MEI4: variants seen among roughly 807,000 people sequenced by gnomAD.
MEI4 encodes meiosis-specific protein MEI4.
In MEI4, 27 loss-of-function variants were observed where a neutral mutation model predicts 31.4. The observed-to-expected ratio is 0.86, with a 90% confidence interval of 0.63 to 1.19. MEI4 has a LOEUF of 1.19. Among genes scored for constraint, MEI4 ranks in the 50% most tolerant of loss-of-function variants. The probability of loss-of-function intolerance (pLI) is 0.00; values close to 1 mark genes in which losing one functional copy is unlikely to be tolerated. For missense variants in MEI4, 329 were observed against 398.9 expected (o/e 0.82, Z 1.49); for synonymous variants, 122 against 145.4 (o/e 0.84, Z 1.16).
At chr6:77,915,918 T>C (rs1181803011) in intron 4 of MEI4, among the ~76,000 whole-genome samples, 2 of 152,100 alleles carry the variant, frequency 1.3e-5, no homozygotes, top group Admixed American at 1.3e-4. Context: ...TCCTTTATCA[T>C]GGTGCCAATG....
At chr6:77,695,953 G>A (rs575763018) in intron 2 of MEI4, among the ~76,000 whole-genome samples, 1 of 152,148 alleles carries the variant, frequency 6.6e-6, no homozygotes, top group Non-Finnish European at 1.5e-5. Context: ...GCAGTGGTTT[G>A]TAGTTCTCCT....
chr6:77,855,238 A>G (rs941201599), intron 4 of MEI4, among the ~76,000 whole-genome samples: 2 of 152,098 alleles, frequency 1.3e-5, no homozygotes, highest in African/African-American at 4.8e-5. Context: ...CCAGATATTC[A>G]GGAGGCTGAA....
At chr6:77,906,074 A>C (rs911132187) in intron 4 of MEI4, among the ~76,000 whole-genome samples, 1 of 151,878 alleles carries the variant, frequency 6.6e-6, no homozygotes, top group Non-Finnish European at 1.5e-5. Flanking sequence ...TCATTTTTTA[A>C]TTGTTATCCC....
At chr6:77,753,511 C>T (rs560448044) in intron 2 of MEI4, among the ~76,000 whole-genome samples, 15 of 152,304 alleles carry the variant, frequency 9.8e-5, no homozygotes, top group African/African-American at 2.9e-4. Flanking sequence ...AGCTCAGCAT[C>T]GCTGATCATT....
chr6:77,663,873 A>G (rs1484034387), intron 1 of MEI4, among the ~76,000 whole-genome samples: 13 of 151,532 alleles, frequency 8.6e-5, no homozygotes, highest in Non-Finnish European at 1.3e-4. Flanking sequence ...GCCTTGGGCC[A>G]GAGTTCCAGG....
At chr6:77,868,502 C>T (rs2063599) in intron 4 of MEI4, among the ~76,000 whole-genome samples, 51,347 of 89,026 alleles carry the variant, frequency 0.58, 16,458 homozygotes, top group African/African-American at 0.81. Context: ...AAAAATACTA[C>T]ATATATATAT....
At position 77,796,932 on chromosome 6, in the gene MEI4, A is replaced by T. The variant is rs1262660876; in HGVS notation, c.769-31999A>T. 2.6e-4 allele frequency among the ~76,000 whole-genome samples: 39 copies of T among 152,206 alleles called. 1 individual carries two copies. The highest frequency in any genetic ancestry group is 9.4e-4 in the African/African-American group (39 of 41,466). On this transcript the variant is annotated intron_variant, in intron 3 of 4. Transcript: ENST00000684080. ...TTACACATTTACACTCCCTGTTTTGAAACTATATCATAAAAAGTGATAGTA... is the reference window on the plus strand; with the variant it reads ...TTACACATTTACACTCCCTGTTTTGTAACTATATCATAAAAAGTGATAGTA...
chr6:77,857,398 A>C (rs1486989023), intron 4 of MEI4, among the ~76,000 whole-genome samples: 2 of 152,144 alleles, frequency 1.3e-5, no homozygotes, highest in Non-Finnish European at 2.9e-5. Flanking sequence ...CATCACAAAG[A>C]ATGATTTCTG....
chr6:77,912,632 G>A (rs1246436064), intron 4 of MEI4, among the ~76,000 whole-genome samples: 1 of 151,994 alleles, frequency 6.6e-6, no homozygotes, highest in African/African-American at 2.4e-5. Flanking sequence ...TTAGTGTCTA[G>A]AAATTCTACA....
At chr6:77,744,942 C>G (rs956527138) in intron 2 of MEI4, among the ~76,000 whole-genome samples, 2 of 152,138 alleles carry the variant, frequency 1.3e-5, no homozygotes, top group Non-Finnish European at 2.9e-5. Flanking sequence ...CACCACCATG[C>G]CTGCCCTAAA....
At chr6:77,914,316 A>T (rs138906645) in intron 4 of MEI4, among the ~76,000 whole-genome samples, 2 of 151,942 alleles carry the variant, frequency 1.3e-5, no homozygotes, top group Admixed American at 6.6e-5. Flanking sequence ...GTTTCAAGAC[A>T]TTTTTTAATT....
At chr6:77,817,464 T>C (rs1054335649) in intron 3 of MEI4, among the ~76,000 whole-genome samples, 4 of 152,116 alleles carry the variant, frequency 2.6e-5, no homozygotes, top group Admixed American at 6.6e-5. Context: ...CTGATTATCA[T>C]TGATGATTAG....
At chr6:77,651,825 A>G (rs1443834602), upstream of MEI4, among the ~76,000 whole-genome samples, 1 of 152,210 alleles carries the variant, frequency 6.6e-6, no homozygotes, top group African/African-American at 2.4e-5. Flanking sequence ...ATTGATAACC[A>G]TGAGTATGTT....
At chr6:77,830,964 C>T (rs1026581473) in intron 4 of MEI4, among the ~76,000 whole-genome samples, 4 of 151,838 alleles carry the variant, frequency 2.6e-5, no homozygotes, top group Non-Finnish European at 5.9e-5. Flanking sequence ...AGTGAAGAGA[C>T]AACCCACAAA....
At chr6:77,765,474 G>C (rs1768149245) in intron 3 of MEI4, among the ~76,000 whole-genome samples, 1 of 151,406 alleles carries the variant, frequency 6.6e-6, no homozygotes, top group Non-Finnish European at 1.5e-5. Context: ...GTGCAGGTTT[G>C]TTACATATGT....
chr6:77,889,005 C>T (rs1771691977), intron 4 of MEI4, among the ~76,000 whole-genome samples: 1 of 152,158 alleles, frequency 6.6e-6, no homozygotes, highest in Admixed American at 6.5e-5. Flanking sequence ...TGTAAGTTTC[C>T]TGAGGCCTCC....
At chr6:77,830,388 C>T (rs185800153) in intron 4 of MEI4, among the ~76,000 whole-genome samples, 132 of 152,078 alleles carry the variant, frequency 8.7e-4, no homozygotes, top group African/African-American at 3.1e-3. Context: ...ATTTAATATT[C>T]GCAATAGCTC....
intron 3 of MEI4, among the ~76,000 whole-genome samples, chr6:77,812,422 T>C (rs1769595740): frequency 6.6e-6 from 1 of 152,092 alleles, no homozygotes; most frequent in Admixed American, 6.6e-5. Context: ...TGATTATTAT[T>C]GGTTTGAGGA....
chr6:77,761,484 C>CT lies in MEI4; in HGVS notation c.592dup (p.Tyr198LeufsTer3). 1 of 1,232,134 alleles carries CT rather than the reference C, an allele frequency of 8.1e-7. No homozygotes were observed. The highest frequency in any genetic ancestry group is 1.0e-6 in the Non-Finnish European group (1 of 987,924). The allele number at this position is 1,232,134 out of a possible 1,614,324, so 76.3% of individuals were successfully genotyped here. On this transcript the variant is annotated frameshift_variant, in exon 3 of 5. Coordinates refer to ENST00000684080, the MANE Select transcript of MEI4 (RefSeq NM_001322247.2). LOFTEE classifies it high-confidence loss of function. ...TTTCAATTGCTGGATGGCCTGATCACTTTTTACCGTAATCCCAAACTTCCT... is the reference window on the plus strand; with the variant it reads ...TTTCAATTGCTGGATGGCCTGATCACTTTTTTACCGTAATCCCAAACTTCCT...
Sources: allele counts gnomAD v4.1 joint callset (sites outside exome capture counted in the v4.1 genomes callset), GRCh38; gene constraint gnomAD v4.1.1; transcripts MANE v1.5; gene names NCBI Gene and HGNC (gene_info 2026-07-23, HGNC 2026-07-21).